The following PDE1A variants were observed in gnomAD, a reference collection of about 807,000 sequenced individuals.
PDE1A encodes phosphodiesterase 1A, also known as dual specificity calcium/calmodulin-dependent 3',5'-cyclic nucleotide phosphodiesterase 1A.
In PDE1A, 35 loss-of-function variants were observed where a neutral mutation model predicts 61.7. The ratio of observed to expected loss-of-function variants is 0.57; its 90% CI spans 0.43 to 0.75. PDE1A has a LOEUF of 0.75. PDE1A is among the 30% of genes least tolerant of loss of function. PDE1A has a pLI of 0.00. For synonymous variants in PDE1A, 232 were observed against 213.2 expected (o/e 1.09, Z -0.77); for missense variants, 597 against 630.6 (o/e 0.95, Z 0.57).
chr2:182,169,907 C>A (rs920263138), intron 13 of PDE1A, among the ~76,000 whole-genome samples: 2 of 74,848 alleles, frequency 2.7e-5, no homozygotes, highest in South Asian at 4.8e-4. Context: ...CACACACACA[C>A]ACACACACAC....
At chr2:182,702,269 A>G in the PDE1A span, among the ~76,000 whole-genome samples, 1 of 152,050 alleles carries the variant, frequency 6.6e-6, no homozygotes, top group Non-Finnish European at 1.5e-5. Context: ...ACACCTGGCT[A>G]ATTTTTTATA....
intron 1 of PDE1A, among the ~76,000 whole-genome samples, chr2:182,378,341 G>A (rs1020509020): frequency 8.5e-5 from 13 of 152,172 alleles, no homozygotes; most frequent in East Asian, 3.9e-4. Flanking sequence ...TGAAGGGGGC[G>A]TATCAATATT....
chr2:182,261,134 T>C (rs896605296), intron 2 of PDE1A, among the ~76,000 whole-genome samples: 1 of 152,194 alleles, frequency 6.6e-6, no homozygotes, highest in Non-Finnish European at 1.5e-5. Flanking sequence ...CAAAATGTTT[T>C]ATATGTTGTC....
the PDE1A span, among the ~76,000 whole-genome samples, chr2:182,545,009 C>T: frequency 5.2e-4 from 79 of 152,230 alleles, no homozygotes; most frequent in African/African-American, 1.8e-3. Flanking sequence ...AAATACCGGT[C>T]TTACTGGAAG....
In PDE1A at chr2:182,336,732, C is replaced by T. The variant is rs541355575; in HGVS notation, c.54-72318G>A. On this transcript the variant is annotated intron_variant, in intron 1 of 13. Coordinates refer to ENST00000351439, the Ensembl canonical transcript of PDE1A. ...TGTATACCTATGTAACAAAACTGCA[C>T]GTTTTGCACATGTACCCCAGAACTT... is the stretch of plus-strand genomic sequence containing the variant. 6.3e-4 allele frequency among the ~76,000 whole-genome samples: 94 copies of T among 149,740 alleles called. 4 individuals carry two copies. In the South Asian group the frequency reaches 0.02, roughly 31 times the overall value.
chr2:182,343,699 G>A (rs1283518719), intron 1 of PDE1A, among the ~76,000 whole-genome samples: 3 of 151,998 alleles, frequency 2.0e-5, no homozygotes, highest in Non-Finnish European at 4.4e-5. Context: ...TGTGGTACCA[G>A]AATTACAATA....
At chr2:182,191,693 A>G (rs1235931306) in intron 10 of PDE1A, among the ~76,000 whole-genome samples, 2 of 117,752 alleles carry the variant, frequency 1.7e-5, no homozygotes, top group African/African-American at 6.5e-5. Context: ...CTGCTAAGCT[A>G]TATTTAACTT....
the PDE1A span, among the ~76,000 whole-genome samples, chr2:182,655,169 T>C: frequency 6.6e-6 from 1 of 152,178 alleles, no homozygotes; most frequent in Admixed American, 6.6e-5. Context: ...TGAAGTGTCA[T>C]CAGGGCTCTC....
intron 4 of PDE1A, among the ~76,000 whole-genome samples, chr2:182,234,084 T>A (rs747579410): frequency 6.6e-6 from 1 of 152,188 alleles, no homozygotes; most frequent in Non-Finnish European, 1.5e-5. Flanking sequence ...ATTTAACTCT[T>A]CCATAATATA....
chr2:182,669,816 C>T, the PDE1A span, among the ~76,000 whole-genome samples: 2 of 152,202 alleles, frequency 1.3e-5, no homozygotes, highest in Non-Finnish European at 2.9e-5. Flanking sequence ...AAAATGCTCC[C>T]ATATGGCAGA....
the PDE1A span, among the ~76,000 whole-genome samples, chr2:182,670,002 T>G: frequency 6.6e-6 from 1 of 152,152 alleles, no homozygotes; most frequent in South Asian, 2.1e-4. Flanking sequence ...GGGATGATGG[T>G]GTTAAGTAAA....
chr2:182,498,179 C>T (rs965901054), intron 2 of PDE1A, among the ~76,000 whole-genome samples: 2 of 151,848 alleles, frequency 1.3e-5, no homozygotes, highest in African/African-American at 2.4e-5. Flanking sequence ...CCAAGAATCA[C>T]CAAACCTCTG....
intron 1 of PDE1A, among the ~76,000 whole-genome samples, chr2:182,360,799 G>A (rs982028938): frequency 2.0e-5 from 3 of 151,754 alleles, no homozygotes; most frequent in African/African-American, 7.3e-5. Context: ...ATTCAGCCCT[G>A]TACTCAGTTG....
chr2:182,581,219 C>G, the PDE1A span, among the ~76,000 whole-genome samples: 19 of 152,158 alleles, frequency 1.2e-4, no homozygotes, highest in African/African-American at 4.3e-4. Flanking sequence ...TCAGTGAAGA[C>G]CATCCTATCT....
At chr2:182,400,958 T>C (rs555688412) in intron 1 of PDE1A, among the ~76,000 whole-genome samples, 1 of 152,282 alleles carries the variant, frequency 6.6e-6, no homozygotes, top group African/African-American at 2.4e-5. Context: ...TTTTTATTAT[T>C]CCATTGGTGT....
the PDE1A span, among the ~76,000 whole-genome samples, chr2:182,671,822 T>C: frequency 2.6e-5 from 4 of 151,248 alleles, no homozygotes; most frequent in Non-Finnish European, 5.9e-5. Flanking sequence ...AGTTTCACCA[T>C]GTTAGCCAGG....
At chr2:182,469,161 G>T (rs1230691073) in intron 2 of PDE1A, among the ~76,000 whole-genome samples, 1 of 151,874 alleles carries the variant, frequency 6.6e-6, no homozygotes, top group African/African-American at 2.4e-5. Context: ...TTGAAGTCAG[G>T]CATTGACTTT....
At chr2:182,608,543 G>C in the PDE1A span, among the ~76,000 whole-genome samples, 1 of 152,186 alleles carries the variant, frequency 6.6e-6, no homozygotes, top group Non-Finnish European at 1.5e-5. Context: ...TCGGCGGCCC[G>C]GCACTCGGAG....
intron 1 of PDE1A, among the ~76,000 whole-genome samples, chr2:182,341,276 T>C (rs1698166107): frequency 6.6e-6 from 1 of 152,200 alleles, no homozygotes; most frequent in Non-Finnish European, 1.5e-5. Flanking sequence ...GTAGCCAATC[T>C]GGCTCAAGAA....
Sources: allele counts gnomAD v4.1 joint callset (sites outside exome capture counted in the v4.1 genomes callset), GRCh38; gene constraint gnomAD v4.1.1; transcripts MANE v1.5; gene names NCBI Gene and HGNC (gene_info 2026-07-23, HGNC 2026-07-21).